Variants in CSMD3 observed in about 807,000 individuals in gnomAD.
CSMD3 encodes CUB and sushi domain-containing protein 3.
A neutral mutation model predicts 435.2 loss-of-function variants in CSMD3; 177 were observed. The ratio of observed to expected loss-of-function variants is 0.41; its 90% CI spans 0.36 to 0.46. CSMD3 has a LOEUF of 0.46. CSMD3 is among the 20% of genes least tolerant of loss of function. The pLI is 0.34. For missense variants in CSMD3, 4,265 were observed against 4,504.6 expected (o/e 0.95, Z 1.52); for synonymous variants, 1,656 against 1,520.5 (o/e 1.09, Z -2.07).
chr8:112,506,623 C>A (rs1362504404), intron 29 of CSMD3, 68 bp downstream of exon 29: 2 of 1,489,194 alleles, frequency 1.3e-6, no homozygotes, highest in Non-Finnish European at 1.9e-6. Context: ...TAGTCTAGTA[C>A]AAATGCTAAA....
intron 32 of CSMD3, among the ~76,000 whole-genome samples, chr8:112,441,953 C>A (rs1485609507): frequency 2.0e-5 from 3 of 152,024 alleles, no homozygotes; most frequent in Non-Finnish European, 4.4e-5. Flanking sequence ...CATTTGAGTA[C>A]CGTTTATGAA....
At chr8:112,755,783 A>G (rs1180002220) in intron 13 of CSMD3, among the ~76,000 whole-genome samples, 1 of 149,430 alleles carries the variant, frequency 6.7e-6, no homozygotes, top group African/African-American at 2.4e-5. Flanking sequence ...AAATAAATTA[A>G]TATATACTTT....
At chr8:112,309,466 T>C (rs1244387777) in intron 50 of CSMD3, among the ~76,000 whole-genome samples, 2 of 151,906 alleles carry the variant, frequency 1.3e-5, no homozygotes, top group Non-Finnish European at 2.9e-5. Flanking sequence ...GCTTATTTTA[T>C]ATCTTTTAAT....
At chr8:112,908,571 T>C (rs1401919517) in intron 10 of CSMD3, among the ~76,000 whole-genome samples, 1 of 151,536 alleles carries the variant, frequency 6.6e-6, no homozygotes, top group Non-Finnish European at 1.5e-5. Flanking sequence ...TTTAACTTCA[T>C]CAGACAATTT....
chr8:112,448,676 T>C (rs1338984636), intron 32 of CSMD3, among the ~76,000 whole-genome samples: 3 of 151,576 alleles, frequency 2.0e-5, no homozygotes, highest in African/African-American at 7.3e-5. Flanking sequence ...TGTGTTAAGT[T>C]GCCCAATTTG....
At chr8:113,079,675 A>G (rs914981954) in intron 5 of CSMD3, among the ~76,000 whole-genome samples, 14 of 152,162 alleles carry the variant, frequency 9.2e-5, no homozygotes, top group Non-Finnish European at 1.5e-4. Flanking sequence ...AAGGCACACT[A>G]GAAGAACAAA....
chr8:112,330,709 T>A (rs1246437185), intron 45 of CSMD3, among the ~76,000 whole-genome samples: 1 of 152,048 alleles, frequency 6.6e-6, no homozygotes, highest in Admixed American at 6.6e-5. Context: ...AGGAGGCGTA[T>A]TTGAGAAAAT....
chr8:112,281,380 T>TA (rs1334963931), intron 58 of CSMD3, 30 bp from the exon 59 acceptor site: 7 of 1,578,698 alleles, frequency 4.4e-6, no homozygotes, highest in African/African-American at 1.3e-5. Flanking sequence ...AGAGTATATA[T>TA]AAAAAATGCA....
chr8:112,999,466 C>T lies in CSMD3; in HGVS notation c.1030+19601G>A, dbSNP rs182448973. Reference sequence around the variant, plus strand: ...GGGAGGCAAGGAATGAAGTCAGAGACGTAAGTTAGTAAACCATGTAAGTAA... The same window carrying T: ...GGGAGGCAAGGAATGAAGTCAGAGATGTAAGTTAGTAAACCATGTAAGTAA... On this transcript the variant is annotated intron_variant, in intron 6 of 70. Coordinates refer to ENST00000297405, the MANE Select transcript of CSMD3 (RefSeq NM_198123.2). Among the ~76,000 whole-genome samples the T allele has an allele frequency of 5.3e-5, 8 of 151,816 alleles. No homozygotes were observed. In the East Asian group the frequency reaches 5.9e-4, roughly 11 times the overall value.
chr8:112,315,953 A>G (rs2130845732), intron 47 of CSMD3, among the ~76,000 whole-genome samples: 1 of 151,994 alleles, frequency 6.6e-6, no homozygotes, highest in South Asian at 2.1e-4. Flanking sequence ...TAAATAGATG[A>G]AGAACTTATA....
intron 3 of CSMD3, among the ~76,000 whole-genome samples, chr8:113,249,454 A>T (rs1398778113): frequency 1.3e-5 from 2 of 152,032 alleles, no homozygotes; most frequent in African/African-American, 2.4e-5. Context: ...GATAGTAGTT[A>T]CTTGCCTCCC....
intron 13 of CSMD3, among the ~76,000 whole-genome samples, chr8:112,696,611 A>C (rs746012552): frequency 2.0e-5 from 3 of 152,114 alleles, no homozygotes; most frequent in African/African-American, 7.2e-5. Flanking sequence ...AGACCTAAAA[A>C]CATAAAAACC....
In CSMD3 at chr8:112,319,941, G is replaced by T. The variant is rs1455896733; in HGVS notation, c.7206C>A (p.Pro2402=). The T allele has an allele frequency of 6.2e-7, 1 of 1,612,650 alleles. No individual in the cohort carries two copies. The highest frequency in any genetic ancestry group is 8.5e-7 in the Non-Finnish European group (1 of 1,179,162). Residue 2402 remains proline (P), a synonymous_variant, in exon 46 of 71, where the codon CCC becomes CCA. Coordinates refer to ENST00000297405, the MANE Select transcript of CSMD3 (RefSeq NM_198123.2). ...LRVCQPPPPV[P]NAEILTEDDE... is the part of the protein sequence containing the mutation. ...CATCTTCCGTCAAAATTTCAGCATT[G>T]GGCACAGGTGGTGGAGGTTGGCACA...
At chr8:112,879,546 A>G (rs986850043) in intron 10 of CSMD3, among the ~76,000 whole-genome samples, 39 of 152,026 alleles carry the variant, frequency 2.6e-4, no homozygotes, top group African/African-American at 8.5e-4. Context: ...CCCACACCCT[A>G]TTAGTACACT....
chr8:112,844,526 G>T (rs890232744), intron 11 of CSMD3, among the ~76,000 whole-genome samples: 3 of 151,948 alleles, frequency 2.0e-5, no homozygotes, highest in Non-Finnish European at 2.9e-5. Flanking sequence ...TTTCTTAAGA[G>T]ATAGCTTACA....
intron 10 of CSMD3, among the ~76,000 whole-genome samples, chr8:112,878,657 G>A (rs1300569889): frequency 6.6e-6 from 1 of 152,068 alleles, no homozygotes; most frequent in East Asian, 1.9e-4. Flanking sequence ...CAAAGACTTG[G>A]AACCAATCCA....
intron 13 of CSMD3, among the ~76,000 whole-genome samples, chr8:112,775,795 A>G (rs1221745776): frequency 6.6e-6 from 1 of 151,924 alleles, no homozygotes; most frequent in Non-Finnish European, 1.5e-5. Context: ...TGTTTTAACT[A>G]TCTTCCATCT....
chr8:113,062,325 G>A (rs1336004653), intron 5 of CSMD3, among the ~76,000 whole-genome samples: 1 of 151,816 alleles, frequency 6.6e-6, no homozygotes, highest in African/African-American at 2.4e-5. Context: ...AATATGAACT[G>A]CTCGGAACAA....
In CSMD3 at chr8:113,065,244, C is replaced by A. The variant is rs189778802; in HGVS notation, c.917+33512G>T. 4.4e-4 allele frequency among the ~76,000 whole-genome samples: 67 copies of A among 152,136 alleles called. 1 individual carries two copies. In the East Asian group the frequency reaches 0.012, roughly 27 times the overall value. On this transcript the variant is annotated intron_variant, in intron 5 of 70. Coordinates refer to ENST00000297405, the MANE Select transcript of CSMD3 (RefSeq NM_198123.2). Reference sequence around the variant, plus strand: ...TAGGTTGTGACAAAAAAATACAAAACAAAATATTAGTTTAGAGAAGACGTA... The same window carrying A: ...TAGGTTGTGACAAAAAAATACAAAAAAAAATATTAGTTTAGAGAAGACGTA...
Sources: allele counts gnomAD v4.1 joint callset (sites outside exome capture counted in the v4.1 genomes callset), GRCh38; gene constraint gnomAD v4.1.1; transcripts MANE v1.5; gene names NCBI Gene and HGNC (gene_info 2026-07-23, HGNC 2026-07-21).